Variants in MYO18B observed in about 807,000 individuals in gnomAD.
The protein encoded by MYO18B is myosin XVIIIB.
Under a neutral mutation model 273.0 loss-of-function variants are expected in MYO18B, and 204 were observed. The observed-to-expected ratio is 0.75, with a 90% confidence interval of 0.67 to 0.84. MYO18B has a LOEUF of 0.84. Ranked by LOEUF, MYO18B falls within the 40% of genes least tolerant of loss-of-function variation. The pLI, the probability that MYO18B is intolerant of heterozygous loss-of-function variation, is 0.00. For missense variants in MYO18B, 3,212 were observed against 3,287.6 expected, an observed-to-expected ratio of 0.98 and a Z score of 0.56; for synonymous variants, 1,330 against 1,305.7, an observed-to-expected ratio of 1.02 and a Z score of -0.40.
chr22:26,026,380 C>A, intron 42 of MYO18B, 65 bp from the exon 43 acceptor site: 1 of 1,530,568 alleles, frequency 6.5e-7, no homozygotes, highest in Non-Finnish European at 8.8e-7. Context: ...GGGGCTCTCA[C>A]ACCGATTGCA....
At chr22:25,849,474 AATAT>A (rs1223124467) in intron 20 of MYO18B, among the ~76,000 whole-genome samples, 1 of 152,144 alleles carries the variant, frequency 6.6e-6, no homozygotes, top group East Asian at 1.9e-4. Flanking sequence ...GTGCATATAT[AATAT>A]ATATATGCAT....
At chr22:25,812,975 C>T (rs2088828704) in intron 12 of MYO18B, among the ~76,000 whole-genome samples, 1 of 151,958 alleles carries the variant, frequency 6.6e-6, no homozygotes, top group Admixed American at 6.6e-5. Flanking sequence ...TCTTTCTCTT[C>T]CTTCTCTCCT....
chr22:25,975,523 A>G (rs1205753664), intron 39 of MYO18B, among the ~76,000 whole-genome samples: 1 of 152,232 alleles, frequency 6.6e-6, no homozygotes, highest in African/African-American at 2.4e-5. Context: ...TGCACTTTCA[A>G]CCTTATGAGC....
intron 40 of MYO18B, among the ~76,000 whole-genome samples, chr22:26,002,120 T>C (rs1008751371): frequency 6.6e-6 from 1 of 152,232 alleles, no homozygotes; most frequent in African/African-American, 2.4e-5. Context: ...CAAAAGCTGC[T>C]TTTGTTCCAC....
At chr22:25,807,438 C>G (rs757074433) in intron 12 of MYO18B, among the ~76,000 whole-genome samples, 3 of 152,168 alleles carry the variant, frequency 2.0e-5, no homozygotes, top group Non-Finnish European at 4.4e-5. Flanking sequence ...TATTATTTCC[C>G]AAGGCTTCTG....
the MYO18B span, among the ~76,000 whole-genome samples, chr22:26,055,736 G>C: frequency 6.6e-6 from 1 of 152,228 alleles, no homozygotes; most frequent in African/African-American, 2.4e-5. Context: ...CTATACTTAA[G>C]AGCAAGTGAT....
chr22:25,832,452 G>T (rs749162560), intron 15 of MYO18B, among the ~76,000 whole-genome samples: 1 of 152,086 alleles, frequency 6.6e-6, no homozygotes, highest in South Asian at 2.1e-4. Context: ...CAAAAGGAAG[G>T]ACATTCTGAT....
rs369924325 is a variant in MYO18B at position 25,847,494 on chromosome 22, C to T, written c.3617C>T (p.Pro1206Leu). The change falls in exon 20 of 44, where the codon CCT becomes CTT. Residue 1206 changes from proline (P) to leucine (L), a missense_variant. Physicochemically the swap from Pro to Leu is moderately conservative, Grantham distance 98 (BLOSUM62 -3). Transcript: ENST00000335473. ...TTTATCCACTGCCTGGTACCAAACCCTGTGGTGGAAAGCAGGAGTGGGCAG... is the reference window on the plus strand; with the variant it reads ...TTTATCCACTGCCTGGTACCAAACCTTGTGGTGGAAAGCAGGAGTGGGCAG... ...LHFIHCLVPN[P>L]VVESRSGQES... 4 of 1,582,384 alleles carry T rather than the reference C, an allele frequency of 2.5e-6. No homozygotes were observed. The highest frequency in any genetic ancestry group is 3.4e-6 in the Non-Finnish European group (4 of 1,164,066).
chr22:25,916,820 T>G (rs2092268005), intron 33 of MYO18B, among the ~76,000 whole-genome samples: 1 of 152,064 alleles, frequency 6.6e-6, no homozygotes, highest in Non-Finnish European at 1.5e-5. Flanking sequence ...TCATTTGAGG[T>G]CAGGAGTTCG....
chr22:25,895,477 G>T lies in MYO18B; in HGVS notation c.4668+197G>T, dbSNP rs188558030. 3.4e-4 allele frequency: 202 copies of T among 587,702 alleles called. 1 individual carries two copies. The African/African-American group carries it at 3.5e-3, about 10-fold the overall frequency. The allele number at this position is 587,702 out of a possible 1,614,324, so 36.4% of individuals were successfully genotyped here. ...ATGAAAAATATTGTCTGTACATGTGGATCTTCTATCCAGAGACTGCTCTGT... is the reference window on the plus strand; with the variant it reads ...ATGAAAAATATTGTCTGTACATGTGTATCTTCTATCCAGAGACTGCTCTGT... On this transcript the variant is annotated intron_variant, in intron 28 of 43. Transcript: ENST00000335473.
At chr22:25,793,588 G>A (rs998170136) in intron 11 of MYO18B, among the ~76,000 whole-genome samples, 3 of 152,086 alleles carry the variant, frequency 2.0e-5, no homozygotes, top group Non-Finnish European at 4.4e-5. Context: ...CACGGGGCAA[G>A]GGACTTTTGC....
Position 25,914,976 on chromosome 22 carries a change from C to T in MYO18B, c.5364+3926C>T, listed in dbSNP as rs535417540. 5.0e-3 allele frequency among the ~76,000 whole-genome samples: 758 copies of T among 151,704 alleles called. 2 individuals carry two copies. Among genetic ancestry groups the T allele is most frequent in the African/African-American group, 0.018 (736 of 41,330 alleles). ...CCTCCCAAAGTGCTGGGATTACAGG[C>T]ATGAAACACCGCGCCCGGCCAGTTT... On this transcript the variant is annotated intron_variant, in intron 33 of 43. Transcript: ENST00000335473.
At chr22:25,994,273 C>T (rs964897403) in intron 40 of MYO18B, among the ~76,000 whole-genome samples, 3 of 152,120 alleles carry the variant, frequency 2.0e-5, no homozygotes, top group African/African-American at 7.2e-5. Flanking sequence ...TCAAGACCAG[C>T]CTGGGAAACA....
downstream of MYO18B, among the ~76,000 whole-genome samples, chr22:26,033,810 TTTTTCTCTTCCTC>T (rs1160028446): frequency 1.8e-5 from 2 of 112,598 alleles, 1 homozygote; most frequent in African/African-American, 1.1e-4. Flanking sequence ...CCTTCCTTTC[TTTTTCTCTTCCTC>T]CCTTCCTTCT....
chr22:25,925,952 TC>T (rs1177461502), intron 34 of MYO18B, among the ~76,000 whole-genome samples: 3 of 136,124 alleles, frequency 2.2e-5, no homozygotes, highest in Non-Finnish European at 4.7e-5. Context: ...ACACCTGTAA[TC>T]CCAGCACTTT....
At chr22:25,818,216 C>T (rs2089123593) in intron 12 of MYO18B, among the ~76,000 whole-genome samples, 1 of 152,144 alleles carries the variant, frequency 6.6e-6, no homozygotes, top group Non-Finnish European at 1.5e-5. Flanking sequence ...TGGGGAGTTC[C>T]CTTTGAGGAA....
the MYO18B span, among the ~76,000 whole-genome samples, chr22:26,040,534 C>A: frequency 6.6e-6 from 1 of 151,988 alleles, no homozygotes; most frequent in Non-Finnish European, 1.5e-5. Flanking sequence ...CGCTGAAAGC[C>A]TGGAGGAGGA....
intron 11 of MYO18B, among the ~76,000 whole-genome samples, chr22:25,792,931 C>G (rs1006287477): frequency 6.6e-6 from 1 of 152,230 alleles, no homozygotes; most frequent in Non-Finnish European, 1.5e-5. Context: ...GGTGTGTGCT[C>G]TGTGTGTCAT....
chr22:25,817,153 C>T (rs772574064), intron 12 of MYO18B, among the ~76,000 whole-genome samples: 36 of 152,252 alleles, frequency 2.4e-4, no homozygotes, highest in African/African-American at 5.8e-4. Flanking sequence ...AACTCAGAAA[C>T]GGCAGTTTCA....
Sources: allele counts gnomAD v4.1 joint callset (sites outside exome capture counted in the v4.1 genomes callset), GRCh38; gene constraint gnomAD v4.1.1; transcripts MANE v1.5; gene names NCBI Gene and HGNC (gene_info 2026-07-23, HGNC 2026-07-21).